Variants in HS6ST3 observed in about 807,000 individuals in gnomAD.
The protein encoded by HS6ST3 is heparan-sulfate 6-O-sulfotransferase 3.
HS6ST3 carries 12 observed loss-of-function variants against 36.7 expected under a neutral mutation model. That is an observed-to-expected ratio of 0.33 (90% confidence interval 0.21 to 0.53). The LOEUF is 0.53. Ranked by LOEUF, HS6ST3 falls within the 20% of genes least tolerant of loss-of-function variation. HS6ST3 has a pLI of 0.95. For missense variants in HS6ST3, 584 were observed against 640.9 expected (o/e 0.91, Z 0.96); for synonymous variants, 240 against 257.5 (o/e 0.93, Z 0.65).
intron 1 of HS6ST3, among the ~76,000 whole-genome samples, chr13:96,245,239 A>C (rs2054579188): frequency 6.6e-6 from 1 of 152,194 alleles, no homozygotes; most frequent in South Asian, 2.1e-4. Context: ...CTTACAATGT[A>C]CACAAAATTC....
At chr13:96,515,362 G>A (rs1208900050) in intron 1 of HS6ST3, among the ~76,000 whole-genome samples, 1 of 152,352 alleles carries the variant, frequency 6.6e-6, no homozygotes, top group South Asian at 2.1e-4. Flanking sequence ...GAAGCACTCA[G>A]TTAGCAAGCT....
chr13:96,615,010 A>G (rs893988498), intron 1 of HS6ST3, among the ~76,000 whole-genome samples: 16 of 152,162 alleles, frequency 1.1e-4, no homozygotes, highest in African/African-American at 3.6e-4. Flanking sequence ...GTGGGATTCC[A>G]TACATTTTTT....
At chr13:96,715,578 T>C (rs189989329) in intron 1 of HS6ST3, among the ~76,000 whole-genome samples, 18 of 152,254 alleles carry the variant, frequency 1.2e-4, no homozygotes, top group Admixed American at 9.8e-4. Flanking sequence ...AGACTTTCTT[T>C]CATTTTTTGT....
rs967196181 is a variant in HS6ST3, at chr13:96,727,725, G to T, written c.708-104765G>T. Among the ~76,000 whole-genome samples the T allele has an allele frequency of 5.9e-5, 9 of 152,208 alleles. No individual in the cohort carries two copies. The South Asian group carries it at 1.7e-3, about 28-fold the overall frequency. On this transcript the variant is annotated intron_variant, in intron 1 of 1. Transcript: ENST00000376705. ...GGTTTGGCAACATTTTCTCACCCCA[G>T]TTCCATTCAATCACAGTCAATTATT... is the stretch of plus-strand genomic sequence containing the variant.
At chr13:96,315,397 G>T (rs1219920267) in intron 1 of HS6ST3, among the ~76,000 whole-genome samples, 1 of 151,940 alleles carries the variant, frequency 6.6e-6, no homozygotes, top group Non-Finnish European at 1.5e-5. Context: ...GATAACTAGG[G>T]ATCTTTACTC....
At chr13:96,697,536 A>G (rs1021789008) in intron 1 of HS6ST3, among the ~76,000 whole-genome samples, 2 of 152,204 alleles carry the variant, frequency 1.3e-5, no homozygotes, top group Admixed American at 6.5e-5. Context: ...ATAAACACAT[A>G]TAATGAATAA....
At chr13:96,713,172 C>A (rs984737216) in intron 1 of HS6ST3, among the ~76,000 whole-genome samples, 1 of 152,138 alleles carries the variant, frequency 6.6e-6, no homozygotes, top group Non-Finnish European at 1.5e-5. Context: ...TACAAAGAAG[C>A]ATTTATAGCC....
intron 1 of HS6ST3, among the ~76,000 whole-genome samples, chr13:96,417,590 A>ATGTGTGTGTGTG (rs148288275): frequency 5.4e-4 from 76 of 139,980 alleles, no homozygotes; most frequent in African/African-American, 1.9e-3. Context: ...GCATATATAT[A>ATGTGTGTGTGTG]TGTGTGTGTG....
intron 1 of HS6ST3, among the ~76,000 whole-genome samples, chr13:96,645,042 A>G (rs2056584037): frequency 2.0e-5 from 3 of 151,974 alleles, no homozygotes; most frequent in Admixed American, 1.3e-4. Flanking sequence ...TGCGCCATGA[A>G]GAGATTCAGA....
chr13:96,467,628 ATAAT>A (rs1365540019), intron 1 of HS6ST3, among the ~76,000 whole-genome samples: 3 of 151,200 alleles, frequency 2.0e-5, no homozygotes, highest in African/African-American at 7.3e-5. Context: ...TGTGCTAATA[ATAAT>A]TAATAATAAG....
At chr13:96,477,426 C>T (rs1171103907) in intron 1 of HS6ST3, among the ~76,000 whole-genome samples, 1 of 152,108 alleles carries the variant, frequency 6.6e-6, no homozygotes, top group African/African-American at 2.4e-5. Flanking sequence ...ATTTTATGTT[C>T]AAGAAGTAAA....
chr13:96,151,962 T>G (rs1440832274), intron 1 of HS6ST3, among the ~76,000 whole-genome samples: 2 of 152,216 alleles, frequency 1.3e-5, no homozygotes, highest in Non-Finnish European at 2.9e-5. Flanking sequence ...TAATTACATC[T>G]GCAAAACCAC....
chr13:96,372,789 T>A (rs551390192), intron 1 of HS6ST3, among the ~76,000 whole-genome samples: 1 of 152,334 alleles, frequency 6.6e-6, no homozygotes, highest in East Asian at 1.9e-4. Flanking sequence ...TCACAGATTC[T>A]TTTGCTTGAT....
At chr13:96,151,173 G>A (rs1247581660) in intron 1 of HS6ST3, among the ~76,000 whole-genome samples, 1 of 152,140 alleles carries the variant, frequency 6.6e-6, no homozygotes, top group Non-Finnish European at 1.5e-5. Context: ...GGAAGCCAAG[G>A]TGGGTAGATC....
intron 1 of HS6ST3, among the ~76,000 whole-genome samples, chr13:96,715,773 TA>T (rs1384892453): frequency 2.0e-5 from 3 of 152,160 alleles, no homozygotes; most frequent in Non-Finnish European, 4.4e-5. Context: ...AGCATAGTTA[TA>T]TCAAGATTTT....
At chr13:96,168,979 A>G (rs1307672448) in intron 1 of HS6ST3, among the ~76,000 whole-genome samples, 1 of 152,012 alleles carries the variant, frequency 6.6e-6, no homozygotes, top group Non-Finnish European at 1.5e-5. Flanking sequence ...AGCCGATCTG[A>G]TTATTGCTCT....
intron 1 of HS6ST3, among the ~76,000 whole-genome samples, chr13:96,227,670 C>T (rs961942529): frequency 2.6e-5 from 4 of 152,182 alleles, no homozygotes; most frequent in African/African-American, 9.7e-5. Flanking sequence ...TGTTTCCAAT[C>T]TATGAGTCAT....
At chr13:96,392,223 C>T (rs1264872970) in intron 1 of HS6ST3, among the ~76,000 whole-genome samples, 1 of 152,192 alleles carries the variant, frequency 6.6e-6, no homozygotes, top group Non-Finnish European at 1.5e-5. Flanking sequence ...TCCAAATTTC[C>T]ACTGGGCTCT....
intron 1 of HS6ST3, among the ~76,000 whole-genome samples, chr13:96,397,323 T>A (rs2055427161): frequency 6.6e-6 from 1 of 152,224 alleles, no homozygotes; most frequent in African/African-American, 2.4e-5. Context: ...ATTTATAATG[T>A]CCTGTAATGT....
Sources: allele counts gnomAD v4.1 joint callset (sites outside exome capture counted in the v4.1 genomes callset), GRCh38; gene constraint gnomAD v4.1.1; transcripts MANE v1.5; gene names NCBI Gene and HGNC (gene_info 2026-07-23, HGNC 2026-07-21).